RAB40B: variants seen among roughly 807,000 people sequenced by gnomAD.
RAB40B encodes the protein ras-related protein Rab-40B.
In RAB40B, 21 loss-of-function variants were observed where a neutral mutation model predicts 24.0. The ratio of observed to expected loss-of-function variants is 0.88; its 90% CI spans 0.62 to 1.26. RAB40B has a LOEUF of 1.26. RAB40B is among the 50% of genes most tolerant of loss of function. RAB40B has a pLI of 0.00. For missense variants in RAB40B, 348 were observed against 390.5 expected, an observed-to-expected ratio of 0.89 and a Z score of 0.92; for synonymous variants, 167 against 169.8, an observed-to-expected ratio of 0.98 and a Z score of 0.13.
At chr17:82,665,523 G>A (rs565518496) in intron 1 of RAB40B, among the ~76,000 whole-genome samples, 6 of 152,230 alleles carry the variant, frequency 3.9e-5, no homozygotes, top group Admixed American at 3.3e-4. Flanking sequence ...CAAAGTGCTG[G>A]CATTACAGGC....
intron 4 of RAB40B, 90 bp downstream of exon 4, chr17:82,659,490 C>T: frequency 1.5e-6 from 2 of 1,313,836 alleles, no homozygotes; most frequent in Non-Finnish European, 2.2e-6. Context: ...CATGGGTACC[C>T]ATGAGCCCTG....
chr17:82,683,156 G>GAAAC (rs1027998541), intron 1 of RAB40B, among the ~76,000 whole-genome samples: 1 of 151,618 alleles, frequency 6.6e-6, no homozygotes, highest in Non-Finnish European at 1.5e-5. Flanking sequence ...AACAAACAAA[G>GAAAC]AAACAAACAA....
At chr17:82,662,078 A>G in intron 2 of RAB40B, 1 of 985,308 alleles carries the variant, frequency 1.0e-6, no homozygotes, top group South Asian at 4.7e-5. Context: ...CACGAGACAC[A>G]ACCTCACGGA....
rs201809864 is a variant in RAB40B at position 82,693,954 on chromosome 17, A to G, written c.142+4501T>C. The stretch of plus-strand genomic sequence containing the variant: ...AAAAATTAGCCAGGCGTGGTGGCGC[A>G]CACCTGTAGTCCCAGCTACTCAGGA... On this transcript the variant is annotated intron_variant, in intron 1 of 5. Transcript: ENST00000571995. Among the ~76,000 whole-genome samples, 20 of 151,452 alleles carry G rather than the reference A, an allele frequency of 1.3e-4. No individual in the cohort carries two copies. In the East Asian group the frequency reaches 3.9e-3, roughly 29 times the overall value.
At chr17:82,684,046 C>A (rs2046471768) in intron 1 of RAB40B, among the ~76,000 whole-genome samples, 1 of 151,748 alleles carries the variant, frequency 6.6e-6, no homozygotes, top group Non-Finnish European at 1.5e-5. Context: ...CATGGTGAAA[C>A]CCTGTCTCTA....
chr17:82,659,274 C>G (rs1215915617), intron 4 of RAB40B: 1 of 396,984 alleles, frequency 2.5e-6, no homozygotes, highest in East Asian at 5.0e-5. Flanking sequence ...CACTGCTGGT[C>G]AGCCCAGCCC....
At chr17:82,671,421 A>AAC (rs1181052620) in intron 1 of RAB40B, among the ~76,000 whole-genome samples, 1 of 130,698 alleles carries the variant, frequency 7.7e-6, no homozygotes, top group Non-Finnish European at 1.6e-5. Flanking sequence ...CTGTAACTCT[A>AAC]ACACACACAC....
intron 1 of RAB40B, among the ~76,000 whole-genome samples, chr17:82,688,743 G>A (rs1035388656): frequency 3.9e-5 from 6 of 152,308 alleles, no homozygotes; most frequent in African/African-American, 1.4e-4. Context: ...AGACCAGCCT[G>A]GCCAACATAG....
intron 1 of RAB40B, among the ~76,000 whole-genome samples, chr17:82,666,115 C>T (rs1026330300): frequency 5.9e-5 from 9 of 151,996 alleles, no homozygotes; most frequent in Non-Finnish European, 8.8e-5. Flanking sequence ...CACCTGCCAC[C>T]GCACCTGGCT....
chr17:82,661,297 A>G, intron 2 of RAB40B: 1 of 1,274,470 alleles, frequency 7.8e-7, no homozygotes, highest in South Asian at 2.3e-5. Context: ...CGGTTTTAAC[A>G]TAATTCTCAG....
In RAB40B at chr17:82,675,189, T is replaced by C. The variant is rs183215465; in HGVS notation, c.143-10633A>G. The stretch of plus-strand genomic sequence containing the variant: ...CCACATCCCGGAATTTCACTAACAA[T>C]AAACAAGAACTGGAAATAAAATCGA... On this transcript the variant is annotated intron_variant, in intron 1 of 5. Coordinates refer to ENST00000571995, the MANE Select transcript of RAB40B (RefSeq NM_006822.3). The surrounding 1 kb of genome is among the most constrained non-coding windows in gnomAD (Gnocchi z 4.5). 6.6e-6 allele frequency among the ~76,000 whole-genome samples: 1 copy of C among 152,206 alleles called. No homozygotes were observed. The highest frequency in any genetic ancestry group is 6.5e-5 in the Admixed American group (1 of 15,280).
At chr17:82,681,416 T>C (rs934153983) in intron 1 of RAB40B, among the ~76,000 whole-genome samples, 11 of 152,130 alleles carry the variant, frequency 7.2e-5, no homozygotes, top group South Asian at 6.2e-4. Flanking sequence ...AGTTAACCAG[T>C]GCAGTCAGAC....
At chr17:82,681,504 G>A (rs1015142970) in intron 1 of RAB40B, among the ~76,000 whole-genome samples, 5 of 152,106 alleles carry the variant, frequency 3.3e-5, no homozygotes, top group African/African-American at 1.2e-4. Flanking sequence ...TGCGAAACAA[G>A]CAACCCTGCA....
At position 82,667,134 on chromosome 17, in the gene RAB40B, C is replaced by T. The variant is rs777796278; in HGVS notation, c.143-2578G>A. On this transcript the variant is annotated intron_variant, in intron 1 of 5. Transcript: ENST00000571995. The surrounding 1 kb of genome is among the most constrained non-coding windows in gnomAD (Gnocchi z 4.3). ...CCAGAAACAGGCTCCTCTAAAAATGCGAGGCTGCGGAGGCCACGGTTCTCA... is the reference window on the plus strand; with the variant it reads ...CCAGAAACAGGCTCCTCTAAAAATGTGAGGCTGCGGAGGCCACGGTTCTCA... Among the ~76,000 whole-genome samples, 57 of 152,198 alleles carry T rather than the reference C, an allele frequency of 3.7e-4. No homozygotes were observed. The highest frequency in any genetic ancestry group is 6.9e-4 in the Non-Finnish European group (47 of 68,044).
intron 1 of RAB40B, chr17:82,696,979 G>A (rs1397512103): frequency 1.3e-5 from 2 of 152,922 alleles, no homozygotes; most frequent in African/African-American, 4.8e-5. Flanking sequence ...AGCGGGGAGG[G>A]GGGTAGGACA....
Position 82,663,980 on chromosome 17 carries a change from G to A in RAB40B, c.203+516C>T, listed in dbSNP as rs956281363. Among the ~76,000 whole-genome samples the A allele has an allele frequency of 6.0e-5, 9 of 151,030 alleles. No individual in the cohort carries two copies. Among genetic ancestry groups the A allele is most frequent in the South Asian group, 4.2e-4 (2 of 4,752 alleles). ...GGGGTGCTCCCCGGGGCGCTGTGCC[G>A]ACGGTGGTGGTGGGAGGGTGTTCCC... On this transcript the variant is annotated intron_variant, in intron 2 of 5. Coordinates refer to ENST00000571995, the MANE Select transcript of RAB40B (RefSeq NM_006822.3). The surrounding 1 kb of genome is among the most constrained non-coding windows in gnomAD (Gnocchi z 6.2).
intron 1 of RAB40B, among the ~76,000 whole-genome samples, chr17:82,694,224 G>T (rs1277157854): frequency 6.6e-6 from 1 of 151,372 alleles, no homozygotes; most frequent in Non-Finnish European, 1.5e-5. Flanking sequence ...AATAGGAAAG[G>T]CATAAGATAA....
intron 1 of RAB40B, among the ~76,000 whole-genome samples, chr17:82,670,809 A>G (rs892311865): frequency 6.6e-6 from 1 of 152,006 alleles, no homozygotes. Context: ...CTGGGATTAC[A>G]GGTGTGAGGT....
chr17:82,666,852 C>T (rs1353518692), intron 1 of RAB40B, among the ~76,000 whole-genome samples: 3 of 152,192 alleles, frequency 2.0e-5, no homozygotes, highest in Admixed American at 6.5e-5. Context: ...ATAGGATTTA[C>T]TTGACAGTAT....
Sources: allele counts gnomAD v4.1 joint callset (sites outside exome capture counted in the v4.1 genomes callset), GRCh38; gene constraint gnomAD v4.1.1; non-coding constraint Gnocchi (gnomAD v3.1); transcripts MANE v1.5; gene names NCBI Gene and HGNC (gene_info 2026-07-23, HGNC 2026-07-21).